Variants in FAT3 observed in about 807,000 individuals in gnomAD.
FAT3 encodes FAT atypical cadherin 3.
FAT3 carries 95 observed loss-of-function variants against 310.2 expected under a neutral mutation model. That is an observed-to-expected ratio of 0.31 (90% CI 0.26 to 0.36). The LOEUF is 0.36. Ranked by LOEUF, FAT3 falls within the 10% of genes least tolerant of loss-of-function variation. The pLI is 1.00. For synonymous variants in FAT3, 2,314 were observed against 2,192.9 expected, an observed-to-expected ratio of 1.06 and a Z score of -1.54; for missense variants, 5,408 against 5,715.6, an observed-to-expected ratio of 0.95 and a Z score of 1.74.
chr11:92,676,522 C>T (rs1943293445), intron 3 of FAT3, among the ~76,000 whole-genome samples: 1 of 152,170 alleles, frequency 6.6e-6, no homozygotes. Context: ...CAAAGGGCCA[C>T]ACCTGGAAAC....
chr11:92,517,926 G>A (rs1204079881), intron 2 of FAT3, among the ~76,000 whole-genome samples: 4 of 152,054 alleles, frequency 2.6e-5, no homozygotes, highest in Admixed American at 1.3e-4. Flanking sequence ...ATGAGATACA[G>A]TCTCACACCA....
At chr11:92,306,435 C>A (rs1034790889) in intron 1 of FAT3, among the ~76,000 whole-genome samples, 4 of 143,384 alleles carry the variant, frequency 2.8e-5, no homozygotes, top group South Asian at 2.1e-4. Context: ...CCCTTCCCCC[C>A]ATGAGCTTTT....
intron 13 of FAT3, among the ~76,000 whole-genome samples, chr11:92,825,157 A>G (rs1318126984): frequency 1.3e-5 from 2 of 152,206 alleles, no homozygotes; most frequent in South Asian, 4.1e-4. Flanking sequence ...TGCATTTGCA[A>G]TGGACATATA....
chr11:92,631,073 T>C (rs1941541699), intron 3 of FAT3, among the ~76,000 whole-genome samples: 1 of 152,228 alleles, frequency 6.6e-6, no homozygotes. Context: ...TTTATTTCCC[T>C]CCTTCAGGTC....
At chr11:92,767,311 G>A (rs765739517) in intron 6 of FAT3, among the ~76,000 whole-genome samples, 1 of 150,902 alleles carries the variant, frequency 6.6e-6, no homozygotes, top group East Asian at 1.9e-4. Context: ...GCAACAGAAT[G>A]TCTAGTGTGC....
At chr11:92,462,779 T>G (rs1951667487) in intron 2 of FAT3, among the ~76,000 whole-genome samples, 1 of 152,228 alleles carries the variant, frequency 6.6e-6, no homozygotes, top group African/African-American at 2.4e-5. Flanking sequence ...TTTGTTGATG[T>G]GTTTTAGGAA....
chr11:92,663,196 A>G (rs1257606456), intron 3 of FAT3, among the ~76,000 whole-genome samples: 1 of 152,174 alleles, frequency 6.6e-6, no homozygotes, highest in African/African-American at 2.4e-5. Context: ...TCTGGGTAGA[A>G]AGGGAATTCC....
intron 1 of FAT3, among the ~76,000 whole-genome samples, chr11:92,309,949 TC>T (rs1947253992): frequency 6.6e-6 from 1 of 151,822 alleles, no homozygotes; most frequent in South Asian, 2.1e-4. Flanking sequence ...CTGTAGCTTC[TC>T]CTGTTAGATC....
chr11:92,611,716 A>C (rs1038347251), intron 3 of FAT3, among the ~76,000 whole-genome samples: 1 of 152,208 alleles, frequency 6.6e-6, no homozygotes, highest in African/African-American at 2.4e-5. Context: ...TTCTTGATAT[A>C]CTCCAGTGGT....
Position 92,892,757 on chromosome 11 carries a change from A to C in FAT3, c.*1644A>C, listed in dbSNP as rs1949943437. On this transcript the variant is annotated 3_prime_UTR_variant, in exon 28 of 28. Coordinates refer to ENST00000525166, the MANE Select transcript of FAT3 (RefSeq NM_001367949.2). ...CAGTATTTTGTTATAATTTTCCAGA[A>C]CTTACCTCTGTTTTAAAAGTGTGTA... 1 of 152,076 alleles carries C rather than the reference A, an allele frequency of 6.6e-6. No individual in the cohort carries two copies. The highest frequency in any genetic ancestry group is 6.5e-5 in the Admixed American group (1 of 15,268). The allele number at this position is 152,076 out of a possible 1,614,324, so 9.4% of individuals were successfully genotyped here. A position where few individuals can be genotyped will look rare whatever the true frequency, so the allele number is the denominator to read the frequency against.
At chr11:92,852,703 T>A (rs7932728) in intron 19 of FAT3, among the ~76,000 whole-genome samples, 7,839 of 152,246 alleles carry the variant, frequency 0.051, 675 homozygotes, top group African/African-American at 0.18. Context: ...CATCTTAGAA[T>A]GTACTTATAA....
chr11:92,262,774 T>C (rs553417687), intron 1 of FAT3, among the ~76,000 whole-genome samples: 9 of 152,264 alleles, frequency 5.9e-5, no homozygotes, highest in African/African-American at 2.2e-4. Context: ...ATTCTCAGAA[T>C]ACGGGATGGG....
At chr11:92,700,561 C>T (rs1220565090) in intron 4 of FAT3, among the ~76,000 whole-genome samples, 2 of 152,106 alleles carry the variant, frequency 1.3e-5, no homozygotes, top group Non-Finnish European at 2.9e-5. Flanking sequence ...TCAAGTAGGT[C>T]TAACACAAAT....
At chr11:92,875,165 T>TA (rs11421964) in intron 22 of FAT3, among the ~76,000 whole-genome samples, 22,409 of 144,648 alleles carry the variant, frequency 0.15, 1,680 homozygotes, top group East Asian at 0.2. Flanking sequence ...CTTCTTTCAC[T>TA]AAAAAAAAAA....
intron 12 of FAT3, among the ~76,000 whole-genome samples, chr11:92,808,003 C>T (rs1591762377): frequency 6.6e-6 from 1 of 152,166 alleles, no homozygotes; most frequent in East Asian, 1.9e-4. Context: ...CTCCTCCCTG[C>T]CCCAGTCTTG....
intron 2 of FAT3, among the ~76,000 whole-genome samples, chr11:92,502,752 C>A (rs1241436428): frequency 6.6e-6 from 1 of 151,992 alleles, no homozygotes; most frequent in Non-Finnish European, 1.5e-5. Flanking sequence ...TCACCCAGAC[C>A]AAAAGGATGC....
chr11:92,271,161 G>A (rs1946113654), intron 1 of FAT3, among the ~76,000 whole-genome samples: 1 of 152,026 alleles, frequency 6.6e-6, no homozygotes, highest in Non-Finnish European at 1.5e-5. Context: ...ACTTCCTTGT[G>A]CCATAACACC....
At chr11:92,697,606 G>A (rs971334977) in intron 4 of FAT3, among the ~76,000 whole-genome samples, 161 bp downstream of exon 4, 3 of 152,334 alleles carry the variant, frequency 2.0e-5, no homozygotes, top group East Asian at 1.9e-4. Flanking sequence ...TTTCTAGTGT[G>A]TTCTTCCCAA....
At chr11:92,802,269 A>G (rs1324933698) in intron 10 of FAT3, among the ~76,000 whole-genome samples, 1 of 152,120 alleles carries the variant, frequency 6.6e-6, no homozygotes, top group Non-Finnish European at 1.5e-5. Flanking sequence ...CCTTTTTTCT[A>G]CCTTTTGCAA....
Sources: allele counts gnomAD v4.1 joint callset (sites outside exome capture counted in the v4.1 genomes callset), GRCh38; gene constraint gnomAD v4.1.1; transcripts MANE v1.5; gene names NCBI Gene and HGNC (gene_info 2026-07-23, HGNC 2026-07-21).